The following STX3 variants were observed in gnomAD, a reference collection of about 807,000 sequenced individuals.
STX3 encodes the protein syntaxin-3.
STX3 carries 19 observed loss-of-function variants against 40.2 expected under a neutral mutation model. The ratio of observed to expected loss-of-function variants is 0.47; its 90% confidence interval spans 0.33 to 0.69. The LOEUF is 0.69. STX3 is among the 30% of genes least tolerant of loss of function. STX3 has a pLI of 0.02. For missense variants in STX3, 364 were observed against 366.7 expected, an observed-to-expected ratio of 0.99 and a Z score of 0.06; for synonymous variants, 122 against 132.2, an observed-to-expected ratio of 0.92 and a Z score of 0.53.
Position 59,768,089 on chromosome 11 carries a change from G to A in STX3, c.31-5122G>A, listed in dbSNP as rs79399061. On this transcript the variant is annotated intron_variant, in intron 1 of 10. Coordinates refer to ENST00000337979, the MANE Select transcript of STX3 (RefSeq NM_004177.5). ...AATATTATCATATTGAATTCTCACA[G>A]CATCCCTGGCAGATAGCATATATTT... Among the ~76,000 whole-genome samples, 1,115 of 152,288 alleles carry A rather than the reference G, an allele frequency of 7.3e-3. 10 individuals are homozygous for A. Among genetic ancestry groups the A allele is most frequent in the African/African-American group, 0.025 (1,033 of 41,532 alleles).
At chr11:59,789,729 C>T (rs1403929130) in intron 4 of STX3, among the ~76,000 whole-genome samples, 2 of 152,154 alleles carry the variant, frequency 1.3e-5, no homozygotes, top group Non-Finnish European at 2.9e-5. Context: ...AAGTTTGAGC[C>T]ACAATGCCCG....
chr11:59,754,878 T>G (rs1862627385), upstream of STX3: 1 of 152,214 alleles, frequency 6.6e-6, no homozygotes, highest in Non-Finnish European at 1.5e-5. Context: ...CCGTCCTGTA[T>G]CTCCAGATCT....
Position 59,801,559 on chromosome 11 carries a change from T to G in STX3, c.*735T>G. 1.0e-6 allele frequency: 1 copy of G among 985,474 alleles called. No individual in the cohort carries two copies. Among genetic ancestry groups the G allele is most frequent in the Non-Finnish European group, 1.2e-6 (1 of 829,944 alleles). 61.0% of individuals were successfully genotyped at this position (985,474 alleles called of 1,614,324 possible). A position where few individuals can be genotyped will look rare whatever the true frequency, so the allele number is the denominator to read the frequency against. On this transcript the variant is annotated 3_prime_UTR_variant, in exon 11 of 11. Coordinates refer to ENST00000337979, the MANE Select transcript of STX3 (RefSeq NM_004177.5). Reference sequence around the variant, plus strand: ...AAAGGCTGACGGTATGGAATATGTTTCCATGTCTGAGTCTTAGAAACTGGC... The same window carrying G: ...AAAGGCTGACGGTATGGAATATGTTGCCATGTCTGAGTCTTAGAAACTGGC...
At chr11:59,790,428 A>G in intron 4 of STX3, 91 bp from the exon 5 acceptor site, 1 of 983,812 alleles carries the variant, frequency 1.0e-6, no homozygotes, top group Non-Finnish European at 1.6e-6. Flanking sequence ...CGTGGGCTGG[A>G]TGTGTGGGAA....
chr11:59,778,942 AT>A (rs1864177165), intron 2 of STX3, among the ~76,000 whole-genome samples: 1 of 147,426 alleles, frequency 6.8e-6, no homozygotes, highest in Non-Finnish European at 1.5e-5. Context: ...GGTTCAAGCG[AT>A]TTTCCTGCCT....
At chr11:59,790,608 T>C (rs1479975872) in intron 5 of STX3, 22 bp downstream of exon 5, 3 of 1,583,138 alleles carry the variant, frequency 1.9e-6, no homozygotes, top group Non-Finnish European at 2.6e-6. Flanking sequence ...CCTGGTCTCA[T>C]GATTAGCTAG....
chr11:59,791,042 G>A (rs774656668), intron 5 of STX3, among the ~76,000 whole-genome samples: 2 of 152,164 alleles, frequency 1.3e-5, no homozygotes, highest in Non-Finnish European at 2.9e-5. Flanking sequence ...AGGAGGATGC[G>A]ATAAGAAGAC....
At chr11:59,773,060 C>A (rs943424640) in intron 1 of STX3, 151 bp from the exon 2 acceptor site, 1 of 688,518 alleles carries the variant, frequency 1.5e-6, no homozygotes, top group Admixed American at 2.7e-5. Flanking sequence ...TGTTGAGACA[C>A]CGGAATTTGA....
Position 59,755,414 on chromosome 11 carries a change from C to T in STX3, c.-192C>T, listed in dbSNP as rs1258625070. ...GAGGCGCCGGTGGGGGCGGAGGGGG[C>T]TGCGCGGCGGAGGCTCCCGTGGCCT... On this transcript the variant is annotated 5_prime_UTR_variant, in exon 1 of 11. Coordinates refer to ENST00000337979, the MANE Select transcript of STX3 (RefSeq NM_004177.5). The T allele has an allele frequency of 9.9e-5, 47 of 474,132 alleles. No homozygotes were observed. Among genetic ancestry groups the T allele is most frequent in the Non-Finnish European group, 1.5e-4 (45 of 294,928 alleles). The allele number at this position is 474,132 out of a possible 1,614,324, so 29.4% of individuals were successfully genotyped here. A position where few individuals can be genotyped will look rare whatever the true frequency, so the allele number is the denominator to read the frequency against.
intron 4 of STX3, 115 bp downstream of exon 4, chr11:59,789,062 A>G (rs748068339): frequency 1.5e-5 from 14 of 918,756 alleles, no homozygotes; most frequent in Non-Finnish European, 2.3e-5. Flanking sequence ...CACTTGGTCC[A>G]TCTTTGCTTG....
chr11:59,780,461 T>C (rs942318433), intron 2 of STX3, among the ~76,000 whole-genome samples: 3 of 152,134 alleles, frequency 2.0e-5, no homozygotes, highest in African/African-American at 7.2e-5. Flanking sequence ...ACCTAGGCTA[T>C]GGTATTTTTC....
chr11:59,788,134 C>T (rs1314760820), intron 3 of STX3, among the ~76,000 whole-genome samples: 1 of 152,164 alleles, frequency 6.6e-6, no homozygotes, highest in Non-Finnish European at 1.5e-5. Context: ...TCTTTCTCTA[C>T]CTGGCCAACT....
intron 10 of STX3, chr11:59,800,535 C>T (rs1348498290): frequency 1.4e-5 from 14 of 985,228 alleles, no homozygotes; most frequent in Admixed American, 6.2e-5. Flanking sequence ...TCTTCAGGAG[C>T]GGTGTTGCTG....
At chr11:59,773,006 CA>C in intron 1 of STX3, among the ~76,000 whole-genome samples, 1 of 152,002 alleles carries the variant, frequency 6.6e-6, no homozygotes, top group Admixed American at 6.6e-5. Context: ...CACACACACA[CA>C]CACACAACCC....
chr11:59,769,646 G>A (rs1156818098), intron 1 of STX3, among the ~76,000 whole-genome samples: 1 of 152,142 alleles, frequency 6.6e-6, no homozygotes, highest in East Asian at 1.9e-4. Flanking sequence ...GGGAATCCCT[G>A]TGTGGATACT....
chr11:59,786,633 T>G (rs761425652), intron 2 of STX3, among the ~76,000 whole-genome samples: 25 of 152,038 alleles, frequency 1.6e-4, no homozygotes, highest in Non-Finnish European at 2.8e-4. Flanking sequence ...CTTTCTTTCC[T>G]TCCTTCCTTT....
chr11:59,788,898 C>G lies in STX3; in HGVS notation c.240C>G (p.Leu80=). ...EPKTKDDLEQ[L]TTEIKKRANN... ...AAACCAAGGATGACCTAGAGCAGCT[C>G]ACGACTGAGATTAAGAAAAGGGCCA... The change falls in exon 4 of 11, where the codon CTC becomes CTG. Residue 80 remains leucine, a synonymous_variant. Transcript: ENST00000337979. The G allele has an allele frequency of 6.2e-7, 1 of 1,612,536 alleles. No homozygotes were observed. The highest frequency in any genetic ancestry group is 8.5e-7 in the Non-Finnish European group (1 of 1,179,292).
At chr11:59,765,076 G>A (rs1863217615) in intron 1 of STX3, among the ~76,000 whole-genome samples, 1 of 151,898 alleles carries the variant, frequency 6.6e-6, no homozygotes, top group African/African-American at 2.4e-5. Context: ...GTTCAGCTAG[G>A]GCTTTCTTCA....
intron 2 of STX3, among the ~76,000 whole-genome samples, chr11:59,782,164 T>A (rs557290163): frequency 8.5e-5 from 13 of 152,294 alleles, no homozygotes; most frequent in Non-Finnish European, 1.2e-4. Context: ...GCCATCCAGA[T>A]CTCGAAAATA....
Sources: allele counts gnomAD v4.1 joint callset (sites outside exome capture counted in the v4.1 genomes callset), GRCh38; gene constraint gnomAD v4.1.1; transcripts MANE v1.5; gene names NCBI Gene and HGNC (gene_info 2026-07-23, HGNC 2026-07-21).